PIGH: variants seen among roughly 807,000 people sequenced by gnomAD.
The protein encoded by PIGH is phosphatidylinositol N-acetylglucosaminyltransferase subunit H.
PIGH carries 11 observed loss-of-function variants against 20.1 expected under a neutral mutation model. That is an observed-to-expected ratio of 0.55 (90% confidence interval 0.34 to 0.91). PIGH has a LOEUF of 0.91. PIGH is among the 40% of genes least tolerant of loss of function. The pLI is 0.02. For synonymous variants in PIGH, 72 were observed against 93.1 expected (o/e 0.77, Z 1.31); for missense variants, 189 against 233.6 (o/e 0.81, Z 1.24).
At chr14:67,595,358 C>T (rs913491602) in intron 1 of PIGH, among the ~76,000 whole-genome samples, 3 of 152,132 alleles carry the variant, frequency 2.0e-5, no homozygotes, top group Non-Finnish European at 4.4e-5. Context: ...TCCGCATCAT[C>T]CTAAAGTCAA....
Position 67,600,208 on chromosome 14 carries a change from C to T in PIGH, c.-5G>A. The T allele has an allele frequency of 1.3e-6, 2 of 1,566,788 alleles. No individual in the cohort carries two copies. ...AAAGCTCCGCTCATCCTCCATGACG[C>T]CCCCACTCGGCCGCCCGCACCGCGC... On this transcript the variant is annotated 5_prime_UTR_variant, in exon 1 of 4. Coordinates refer to ENST00000216452, the MANE Select transcript of PIGH (RefSeq NM_004569.5).
chr14:67,597,249 G>A (rs1054486962), intron 1 of PIGH, among the ~76,000 whole-genome samples: 10 of 152,216 alleles, frequency 6.6e-5, no homozygotes, highest in African/African-American at 2.2e-4. Flanking sequence ...AGGCCAACAT[G>A]GGGGGATCGC....
At chr14:67,595,589 G>A (rs1215095387) in intron 1 of PIGH, among the ~76,000 whole-genome samples, 1 of 152,164 alleles carries the variant, frequency 6.6e-6, no homozygotes, top group Non-Finnish European at 1.5e-5. Context: ...ACACAACTCT[G>A]GCCAATGAAA....
chr14:67,595,540 A>T (rs1477985959), intron 1 of PIGH, among the ~76,000 whole-genome samples: 2 of 152,120 alleles, frequency 1.3e-5, no homozygotes, highest in Non-Finnish European at 2.9e-5. Flanking sequence ...ATTGGTTCCC[A>T]CTCCTTCTGC....
At chr14:67,590,505 C>T (rs184704184) in intron 3 of PIGH, among the ~76,000 whole-genome samples, 21 of 152,208 alleles carry the variant, frequency 1.4e-4, no homozygotes, top group Non-Finnish European at 2.2e-4. Context: ...ACTACAGGCA[C>T]GAACCACCAT....
intron 1 of PIGH, among the ~76,000 whole-genome samples, chr14:67,594,507 C>T (rs745635469): frequency 1.6e-4 from 25 of 151,846 alleles, no homozygotes; most frequent in Non-Finnish European, 2.8e-4. Flanking sequence ...AGTAGCTGGG[C>T]GTGTTGGCAC....
rs902773065 is a variant in PIGH, at chr14:67,591,657, C to G, written c.474+978G>C. On this transcript the variant is annotated intron_variant, in intron 3 of 3. Transcript: ENST00000216452. The stretch of plus-strand genomic sequence containing the variant: ...AGCAATCCTCCCACCTCAGCTTCCC[C>G]AGTAGCTGGGACCACAGATGTGCAC... Among the ~76,000 whole-genome samples, 3 of 152,110 alleles carry G rather than the reference C, an allele frequency of 2.0e-5. No homozygotes were observed. The South Asian group carries it at 6.2e-4, about 31-fold the overall frequency.
intron 3 of PIGH, among the ~76,000 whole-genome samples, chr14:67,590,960 G>GA (rs1297449944): frequency 6.6e-6 from 1 of 151,836 alleles, no homozygotes; most frequent in African/African-American, 2.4e-5. Context: ...TGTAAATATT[G>GA]AAAAATGTTT....
At chr14:67,598,573 C>T (rs1281753112) in intron 1 of PIGH, among the ~76,000 whole-genome samples, 1 of 152,138 alleles carries the variant, frequency 6.6e-6, no homozygotes, top group Non-Finnish European at 1.5e-5. Flanking sequence ...TAATAAATAT[C>T]TATTTCCTCC....
At chr14:67,590,249 A>ATTT (rs34186099) in intron 3 of PIGH, 77 bp from the exon 4 acceptor site, 246 of 732,892 alleles carry the variant, frequency 3.4e-4, no homozygotes, top group South Asian at 6.3e-4. Context: ...CCACTTGCAA[A>ATTT]TTTTTTTTTT....
intron 3 of PIGH, chr14:67,592,291 T>A (rs1270287424): frequency 1.3e-4 from 51 of 398,642 alleles, no homozygotes; most frequent in East Asian, 3.1e-4. Context: ...AAAAAAAAAA[T>A]TAGCCAGGCG....
At chr14:67,598,678 A>T (rs1017164065) in intron 1 of PIGH, among the ~76,000 whole-genome samples, 2 of 151,704 alleles carry the variant, frequency 1.3e-5, no homozygotes, top group Non-Finnish European at 2.9e-5. Flanking sequence ...CTATCAAGTC[A>T]ACTTAATCAT....
Position 67,592,748 on chromosome 14 carries a change from C to CT in PIGH, c.391-31dup, listed in dbSNP as rs778220966. 38 of 1,235,910 alleles carry CT rather than the reference C, an allele frequency of 3.1e-5. 1 individual carries two copies. The highest frequency in any genetic ancestry group is 3.0e-4 in the East Asian group (13 of 43,068). 76.6% of individuals were successfully genotyped at this position (1,235,910 alleles called of 1,614,324 possible). On this transcript the variant is annotated intron_variant, in intron 2 of 3. Transcript: ENST00000216452. ...AAGAAAATAAATCAAATAGCAAAGT[C>CT]TAAGTGAAACTCATTTTGCATTCTT...
chr14:67,597,595 A>T (rs2036498014), intron 1 of PIGH, among the ~76,000 whole-genome samples: 1 of 152,208 alleles, frequency 6.6e-6, no homozygotes, highest in African/African-American at 2.4e-5. Context: ...TGATCCAGAA[A>T]GATCTAATTT....
rs35144207 is a variant in PIGH, at chr14:67,594,053, A to AT, written c.181-102dup. On this transcript the variant is annotated intron_variant, in intron 1 of 3. Transcript: ENST00000216452. ...CATGGAGGAAAAGGAAATTGCTTTT[A>AT]TTTGGGTTCTAAGGTGCTATGAAAG... The AT allele has an allele frequency of 5.3e-6, 4 of 750,828 alleles. No homozygotes were observed. The East Asian group carries it at 1.1e-4, about 20-fold the overall frequency. 46.5% of individuals were successfully genotyped at this position (750,828 alleles called of 1,614,324 possible).
intron 1 of PIGH, among the ~76,000 whole-genome samples, chr14:67,596,296 T>TA (rs2036473452): frequency 1.3e-4 from 1 of 7,692 alleles, no homozygotes; most frequent in Non-Finnish European, 3.0e-4. Context: ...GCCCAGCTAA[T>TA]TTTTTTTTTT....
At chr14:67,592,746 G>A (rs2036398168) in intron 2 of PIGH, 28 bp from the exon 3 acceptor site, 1 of 1,313,738 alleles carries the variant, frequency 7.6e-7, no homozygotes, top group Non-Finnish European at 1.1e-6. Flanking sequence ...AAATAGCAAA[G>A]TCTAAGTGAA....
intron 1 of PIGH, among the ~76,000 whole-genome samples, chr14:67,597,501 CAA>C (rs34780138): frequency 1.4e-5 from 2 of 139,904 alleles, no homozygotes; most frequent in Non-Finnish European, 3.1e-5. Context: ...AAACCTGTCT[CAA>C]AAAAAAAAAA....
At chr14:67,596,457 G>C (rs1384579062) in intron 1 of PIGH, among the ~76,000 whole-genome samples, 1 of 151,826 alleles carries the variant, frequency 6.6e-6, no homozygotes, top group East Asian at 1.9e-4. Context: ...TGATTTAGAA[G>C]ACTGGCACAG....
Sources: gnomAD v4.1 joint callset for allele counts (sites outside exome capture counted in the v4.1 genomes callset) on GRCh38, gnomAD v4.1.1 for gene constraint, MANE v1.5 for transcripts, NCBI Gene and HGNC (gene_info 2026-07-23, HGNC 2026-07-21) for gene names.